The following DLGAP1 variants were observed in gnomAD, a reference collection of about 807,000 sequenced individuals.
The protein encoded by DLGAP1 is disks large-associated protein 1.
Under a neutral mutation model 90.8 loss-of-function variants are expected in DLGAP1, and 11 were observed. The ratio of observed to expected loss-of-function variants is 0.12; its 90% CI spans 0.08 to 0.20. The LOEUF (loss-of-function observed/expected upper bound fraction) is 0.20. Among genes scored for constraint, DLGAP1 ranks in the 10% least tolerant of loss-of-function variants. DLGAP1 has a pLI of 1.00. For missense variants in DLGAP1, 1,050 were observed against 1,333.8 expected (o/e 0.79, Z 3.31); for synonymous variants, 558 against 540.7 (o/e 1.03, Z -0.44).
chr18:4,367,338 A>C (rs2081798628), intron 1 of DLGAP1, among the ~76,000 whole-genome samples: 1 of 152,082 alleles, frequency 6.6e-6, no homozygotes, highest in African/African-American at 2.4e-5. Flanking sequence ...CATTACTTTT[A>C]GGGTTCAAAG....
intron 5 of DLGAP1, among the ~76,000 whole-genome samples, chr18:3,743,736 C>T (rs931303384): frequency 7.9e-5 from 12 of 152,082 alleles, no homozygotes; most frequent in African/African-American, 7.2e-5. Context: ...CTGCAGCCTC[C>T]GCCTCCTAGG....
intron 7 of DLGAP1, chr18:3,708,218 G>A (rs1387379786): frequency 5.7e-6 from 2 of 353,044 alleles, no homozygotes; most frequent in Non-Finnish European, 1.1e-5. Flanking sequence ...TGTTGGCCAG[G>A]CTGGTCTTGA....
intron 1 of DLGAP1, among the ~76,000 whole-genome samples, chr18:4,329,251 T>G (rs2080894561): frequency 6.6e-6 from 1 of 152,074 alleles, no homozygotes; most frequent in South Asian, 2.1e-4. Flanking sequence ...CCAGCATCAT[T>G]TTTTGAAAAA....
At chr18:4,101,842 A>C (rs2075783243) in intron 2 of DLGAP1, among the ~76,000 whole-genome samples, 1 of 151,850 alleles carries the variant, frequency 6.6e-6, no homozygotes, top group South Asian at 2.1e-4. Flanking sequence ...ATATGTATAA[A>C]TCCATATGCA....
chr18:4,091,727 A>T (rs116263925), intron 2 of DLGAP1, among the ~76,000 whole-genome samples: 2,021 of 152,246 alleles, frequency 0.013, 41 homozygotes, highest in African/African-American at 0.044. Flanking sequence ...TTTTTGTTAC[A>T]GTCAACATCT....
intron 1 of DLGAP1, among the ~76,000 whole-genome samples, chr18:4,222,517 T>C (rs1218827757): frequency 6.6e-6 from 1 of 152,170 alleles, no homozygotes; most frequent in African/African-American, 2.4e-5. Flanking sequence ...TCACTATAGT[T>C]AGACAACTAA....
intron 1 of DLGAP1, among the ~76,000 whole-genome samples, chr18:4,332,428 G>GT (rs997874231): frequency 4.2e-4 from 63 of 151,188 alleles, no homozygotes; most frequent in Middle Eastern, 3.4e-3. Context: ...TAATAACAAG[G>GT]TTTTTTTTTA....
intron 1 of DLGAP1, among the ~76,000 whole-genome samples, chr18:4,337,709 T>A (rs116879585): frequency 1.3e-5 from 2 of 152,132 alleles, no homozygotes; most frequent in Non-Finnish European, 2.9e-5. Flanking sequence ...CATAGATACA[T>A]ATATAAAGTC....
intron 1 of DLGAP1, among the ~76,000 whole-genome samples, chr18:4,237,743 T>C (rs1387330825): frequency 6.6e-6 from 1 of 152,040 alleles, no homozygotes; most frequent in Non-Finnish European, 1.5e-5. Context: ...TTAAATTCAA[T>C]ATGTACAAAT....
chr18:3,901,835 C>T (rs1168476085), intron 3 of DLGAP1, among the ~76,000 whole-genome samples: 1 of 152,134 alleles, frequency 6.6e-6, no homozygotes, highest in Non-Finnish European at 1.5e-5. Flanking sequence ...GGATATAATT[C>T]CCAAGTGAAA....
At chr18:3,947,453 C>T (rs1599202224) in intron 3 of DLGAP1, among the ~76,000 whole-genome samples, 1 of 152,216 alleles carries the variant, frequency 6.6e-6, no homozygotes, top group East Asian at 1.9e-4. Flanking sequence ...ATCCATCTTT[C>T]TCTTGTTTCA....
At chr18:3,778,608 G>C (rs1320018063) in intron 5 of DLGAP1, among the ~76,000 whole-genome samples, 7 of 152,108 alleles carry the variant, frequency 4.6e-5, no homozygotes. Flanking sequence ...GCCCAGGCAG[G>C]GAGACCTGTG....
At chr18:3,542,217 A>G (rs1350174901) in intron 9 of DLGAP1, among the ~76,000 whole-genome samples, 1 of 152,260 alleles carries the variant, frequency 6.6e-6, no homozygotes, top group African/African-American at 2.4e-5. Flanking sequence ...AATCATCAAA[A>G]TACGCATCTG....
chr18:4,251,756 GAA>G (rs1293080788), intron 1 of DLGAP1, among the ~76,000 whole-genome samples: 1 of 152,204 alleles, frequency 6.6e-6, no homozygotes, highest in Non-Finnish European at 1.5e-5. Flanking sequence ...CCTCAAGAGG[GAA>G]TCATGAACGC....
intron 1 of DLGAP1, among the ~76,000 whole-genome samples, chr18:4,226,367 T>C (rs987470176): frequency 3.3e-5 from 5 of 152,030 alleles, no homozygotes; most frequent in Non-Finnish European, 7.4e-5. Flanking sequence ...AAATCAATGG[T>C]AACGGTAAAT....
chr18:4,309,192 C>T (rs1195593666), intron 1 of DLGAP1, among the ~76,000 whole-genome samples: 16 of 152,170 alleles, frequency 1.1e-4, no homozygotes, highest in Non-Finnish European at 7.3e-5. Flanking sequence ...ATTGAGAATA[C>T]ACACTTTGTT....
chr18:4,100,499 G>T (rs570797289), intron 2 of DLGAP1, among the ~76,000 whole-genome samples: 1 of 152,248 alleles, frequency 6.6e-6, no homozygotes, highest in African/African-American at 2.4e-5. Flanking sequence ...CCTCTTAAAG[G>T]CCTTAAGATA....
At position 4,076,676 on chromosome 18, in the gene DLGAP1, T is replaced by G. The variant is rs544158652; in HGVS notation, c.-158-71475A>C. On this transcript the variant is annotated intron_variant, in intron 2 of 12. Transcript: ENST00000315677. ...TCTTGCTCTGTTGCCCAGACTGGAG[T>G]GCAGTGGCGTGATCTCGGCTCACTG... 2.0e-5 allele frequency among the ~76,000 whole-genome samples: 3 copies of G among 152,220 alleles called. No individual in the cohort carries two copies. In the East Asian group the frequency reaches 5.8e-4, roughly 29 times the overall value.
At chr18:4,156,389 C>T (rs1038283143) in intron 1 of DLGAP1, among the ~76,000 whole-genome samples, 4 of 152,130 alleles carry the variant, frequency 2.6e-5, no homozygotes, top group Admixed American at 2.0e-4. Flanking sequence ...TGCACAGTAC[C>T]TGGTATGTAA....
Sources: allele counts gnomAD v4.1 joint callset (sites outside exome capture counted in the v4.1 genomes callset), GRCh38; gene constraint gnomAD v4.1.1; transcripts MANE v1.5; gene names NCBI Gene and HGNC (gene_info 2026-07-23, HGNC 2026-07-21).